The following STK3 variants were observed in gnomAD, a reference collection of about 807,000 sequenced individuals.
STK3 encodes serine/threonine kinase 3, also known as serine/threonine-protein kinase 3.
A neutral mutation model predicts 58.0 loss-of-function variants in STK3; 41 were observed. The ratio of observed to expected loss-of-function variants is 0.71; its 90% CI spans 0.55 to 0.92. The LOEUF is 0.92. STK3 is among the 40% of genes least tolerant of loss of function. The pLI is 0.00. For synonymous variants in STK3, 170 were observed against 191.0 expected (o/e 0.89, Z 0.91); for missense variants, 479 against 602.7 (o/e 0.79, Z 2.15).
chr8:98,359,254 T>C, the STK3 span, among the ~76,000 whole-genome samples: 3 of 143,902 alleles, frequency 2.1e-5, no homozygotes, highest in Non-Finnish European at 4.5e-5. Flanking sequence ...ACGCCTGTAA[T>C]CCCAACATTT....
chr8:98,428,235 C>T lies in STK3; in HGVS notation n.483+5892G>A. ...CTTCCCCTACGTGCTGCATTTCTAT[C>T]ACACCGGCAAGCTTCACGTCATGGC... On this transcript the variant is annotated intron_variant and non_coding_transcript_variant, in intron 3 of 3. Coordinates refer to the STK3 transcript ENST00000517832. The surrounding 1 kb of genome is among the most constrained non-coding windows in gnomAD (Gnocchi z 6.7). 2 of 1,614,142 alleles carry T rather than the reference C, an allele frequency of 1.2e-6. No homozygotes were observed. The highest frequency in any genetic ancestry group is 1.7e-6 in the Non-Finnish European group (2 of 1,180,032).
intron 10 of STK3, among the ~76,000 whole-genome samples, chr8:98,505,468 G>A (rs1823984308): frequency 6.6e-6 from 1 of 152,212 alleles, no homozygotes; most frequent in East Asian, 1.9e-4. Flanking sequence ...GGGGAGAAGA[G>A]GTGCTCTTGT....
intron 7 of STK3, among the ~76,000 whole-genome samples, chr8:98,584,598 C>G (rs1382764991): frequency 6.7e-6 from 1 of 149,032 alleles, no homozygotes; most frequent in Non-Finnish European, 1.5e-5. Flanking sequence ...ATTTATAGTC[C>G]TTTGGGTATA....
chr8:98,694,549 G>A (rs1226529774), intron 6 of STK3, among the ~76,000 whole-genome samples: 1 of 151,786 alleles, frequency 6.6e-6, no homozygotes, highest in Non-Finnish European at 1.5e-5. Context: ...CCCTTCCTTT[G>A]TCCATATGTT....
intron 6 of STK3, among the ~76,000 whole-genome samples, chr8:98,640,842 AT>A (rs1295104149): frequency 6.6e-6 from 1 of 151,494 alleles, no homozygotes; most frequent in Non-Finnish European, 1.5e-5. Context: ...ATAAAATCTA[AT>A]TTTTAGCTCA....
chr8:98,361,928 C>G, the STK3 span, among the ~76,000 whole-genome samples: 1 of 152,072 alleles, frequency 6.6e-6, no homozygotes, highest in Non-Finnish European at 1.5e-5. Flanking sequence ...CAAGCCAGTC[C>G]CAAGGGTTTG....
intron 6 of STK3, among the ~76,000 whole-genome samples, chr8:98,655,837 C>T (rs541759316): frequency 6.6e-6 from 1 of 152,234 alleles, no homozygotes; most frequent in Admixed American, 6.5e-5. Context: ...CAGGAAACAA[C>T]AGGTGCTGGA....
intron 10 of STK3, among the ~76,000 whole-genome samples, chr8:98,478,444 G>A (rs926365111): frequency 6.6e-5 from 10 of 152,110 alleles, no homozygotes; most frequent in Non-Finnish European, 1.5e-4. Flanking sequence ...TGAAACATGC[G>A]AGAGGGTTGC....
chr8:98,760,427 A>C (rs1335358137), intron 3 of STK3, among the ~76,000 whole-genome samples: 1 of 152,236 alleles, frequency 6.6e-6, no homozygotes, highest in African/African-American at 2.4e-5. Context: ...GGCGTGAGCC[A>C]CTGTGCCTGG....
intron 6 of STK3, among the ~76,000 whole-genome samples, chr8:98,621,689 T>A (rs969304774): frequency 6.6e-6 from 1 of 152,140 alleles, no homozygotes; most frequent in Non-Finnish European, 1.5e-5. Context: ...GTGCATTACA[T>A]TGATTCAGCT....
chr8:98,759,611 G>T (rs1830499553), intron 3 of STK3, among the ~76,000 whole-genome samples: 1 of 151,900 alleles, frequency 6.6e-6, no homozygotes, highest in African/African-American at 2.4e-5. Flanking sequence ...GACTTGATTT[G>T]CTCAGTACAG....
chr8:98,654,293 C>T (rs1821271380), intron 6 of STK3, among the ~76,000 whole-genome samples: 1 of 152,128 alleles, frequency 6.6e-6, no homozygotes, highest in Non-Finnish European at 1.5e-5. Context: ...ATCCTTCATG[C>T]TAAAAACTCT....
intron 3 of STK3, among the ~76,000 whole-genome samples, chr8:98,411,155 T>C (rs2131040628): frequency 6.6e-6 from 1 of 152,346 alleles, no homozygotes; most frequent in Admixed American, 6.5e-5. Context: ...TCAAAAGAAA[T>C]AAACATTCAA....
intron 6 of STK3, among the ~76,000 whole-genome samples, chr8:98,654,844 C>G (rs983183076): frequency 2.6e-5 from 4 of 152,014 alleles, no homozygotes; most frequent in African/African-American, 9.7e-5. Flanking sequence ...AGGATACAAA[C>G]AAATGCAAGA....
intron 9 of STK3, among the ~76,000 whole-genome samples, chr8:98,528,349 A>G (rs1432925363): frequency 1.3e-5 from 2 of 152,114 alleles, no homozygotes; most frequent in East Asian, 3.8e-4. Flanking sequence ...TAGATTTTTA[A>G]TCTGGCTATA....
At chr8:98,413,697 A>G in intron 3 of STK3, 1 of 955,452 alleles carries the variant, frequency 1.0e-6, no homozygotes, top group Non-Finnish European at 1.7e-6. Flanking sequence ...AAATTGGTTT[A>G]GAAAAGCCAC....
At chr8:98,545,943 T>A (rs1048931199) in intron 9 of STK3, among the ~76,000 whole-genome samples, 2 of 152,200 alleles carry the variant, frequency 1.3e-5, no homozygotes, top group Non-Finnish European at 2.9e-5. Flanking sequence ...CATACTTTAC[T>A]ACTGCTATAC....
chr8:98,618,491 G>C (rs998529578), intron 6 of STK3, among the ~76,000 whole-genome samples: 1 of 151,690 alleles, frequency 6.6e-6, no homozygotes, highest in Non-Finnish European at 1.5e-5. Flanking sequence ...AGGAAATAAA[G>C]GGTATTCAAT....
intron 1 of STK3, among the ~76,000 whole-genome samples, chr8:98,803,610 A>AAAAAC (rs1554680954): frequency 1.7e-5 from 2 of 117,860 alleles, no homozygotes; most frequent in African/African-American, 7.1e-5. Flanking sequence ...AAAAAAAAAG[A>AAAAAC]AAAAAAAAGA....
Sources: gnomAD v4.1 joint callset for allele counts (sites outside exome capture counted in the v4.1 genomes callset) on GRCh38, gnomAD v4.1.1 for gene constraint, Gnocchi (gnomAD v3.1) non-coding constraint, MANE v1.5 for transcripts, NCBI Gene and HGNC (gene_info 2026-07-23, HGNC 2026-07-21) for gene names.